MXRA5: variants seen among roughly 807,000 people sequenced by gnomAD.
MXRA5 encodes matrix-remodeling-associated protein 5.
A neutral mutation model predicts 112.5 loss-of-function variants in MXRA5; 41 were observed. The observed-to-expected ratio is 0.36, with a 90% confidence interval of 0.28 to 0.47. MXRA5 has a LOEUF of 0.47. MXRA5 is among the 20% of genes least tolerant of loss of function. The pLI, the probability that MXRA5 is intolerant of heterozygous loss-of-function variation, is 0.99. For missense variants in MXRA5, 2,150 were observed against 2,251.0 expected, an observed-to-expected ratio of 0.96 and a Z score of 0.91; for synonymous variants, 862 against 900.8, an observed-to-expected ratio of 0.96 and a Z score of 0.77.
In MXRA5 at chrX:3,324,415, G is replaced by A; in HGVS notation, c.1270C>T (p.Gln424Ter). 1 of 1,211,491 alleles carries A rather than the reference G, an allele frequency of 8.3e-7. No homozygotes were observed. The highest frequency in any genetic ancestry group is 2.2e-5 in the Admixed American group (1 of 45,959). ...EALYYTGVRA[Q>*]ILAEPEWVMQ... ...ACCCATTCTGGTTCTGCAAGAATCTGGGCTCTCACACCTGTGTAGTAAAGA... is the reference window on the plus strand; with the variant it reads ...ACCCATTCTGGTTCTGCAAGAATCTAGGCTCTCACACCTGTGTAGTAAAGA... Residue 424 changes from glutamine to a stop codon, truncating the protein, a stop_gained, in exon 5 of 7, where the codon CAG (glutamine) becomes TAG (stop). Coordinates refer to ENST00000217939, the MANE Select transcript of MXRA5 (RefSeq NM_015419.4). LOFTEE classifies it high-confidence loss of function.
intron 6 of MXRA5, among the ~76,000 whole-genome samples, chrX:3,314,280 A>C (rs941168): frequency 0.44 from 48,640 of 111,008 alleles, 8,035 homozygotes; most frequent in Non-Finnish European, 0.52. Context: ...GGGCTAGAAG[A>C]TTCTCTGTGA....
intron 4 of MXRA5, among the ~76,000 whole-genome samples, chrX:3,329,300 G>GGAAC (rs1921594351): frequency 1.1e-5 from 1 of 94,793 alleles, no homozygotes; most frequent in African/African-American, 3.9e-5. Flanking sequence ...GAAAAAAGAA[G>GGAAC]GAAGGAAGGA....
At chrX:3,311,877 A>T (rs1440255116) in intron 6 of MXRA5, among the ~76,000 whole-genome samples, 2 of 112,398 alleles carry the variant, frequency 1.8e-5, no homozygotes, top group Non-Finnish European at 3.8e-5. Flanking sequence ...AATGTAGTCA[A>T]AGACGTCAAT....
chrX:3,344,399 C>A (rs1922059702), intron 1 of MXRA5, among the ~76,000 whole-genome samples: 1 of 111,660 alleles, frequency 9.0e-6, no homozygotes, highest in African/African-American at 3.3e-5. Context: ...GAAGGATATT[C>A]ATCCTGTTAT....
In MXRA5 at chrX:3,345,700, G is replaced by A; in HGVS notation, c.-29+815C>T. ...GTCTGCGAACCCCGCCGGGAAGCAG[G>A]GGTGGGGGCGTGAGGCCGTCTGCTT... On this transcript the variant is annotated intron_variant, in intron 1 of 6. Coordinates refer to ENST00000217939, the MANE Select transcript of MXRA5 (RefSeq NM_015419.4). Among the ~76,000 whole-genome samples the A allele has an allele frequency of 2.7e-5, 3 of 113,196 alleles. No homozygotes were observed. In the South Asian group the frequency reaches 1.1e-3, roughly 41 times the overall value.
chrX:3,328,915 G>A (rs1921576603), intron 4 of MXRA5, among the ~76,000 whole-genome samples: 1 of 98,220 alleles, frequency 1.0e-5, no homozygotes, highest in African/African-American at 3.8e-5. Context: ...AAGGGAGGGA[G>A]GGAAGGAAGG....
intron 6 of MXRA5, 82 bp downstream of exon 6, chrX:3,317,021 G>T: frequency 2.1e-6 from 2 of 974,204 alleles, no homozygotes; most frequent in Non-Finnish European, 2.7e-6. Flanking sequence ...CAACGTGTGT[G>T]CATATTCATC....
chrX:3,335,229 C>G (rs1179350641), intron 2 of MXRA5, among the ~76,000 whole-genome samples: 1 of 111,145 alleles, frequency 9.0e-6, no homozygotes, highest in African/African-American at 3.3e-5. Context: ...TAGAGTCTCC[C>G]TCTGTCGCCC....
chrX:3,316,976 A>G (rs950187117), intron 6 of MXRA5, 127 bp downstream of exon 6: 87 of 801,836 alleles, frequency 1.1e-4, no homozygotes, highest in Non-Finnish European at 1.4e-4. Context: ...GTGCCCTGCT[A>G]ATTAATTTCA....
intron 2 of MXRA5, among the ~76,000 whole-genome samples, chrX:3,339,559 C>A (rs1921867643): frequency 9.0e-6 from 1 of 111,454 alleles, no homozygotes; most frequent in Non-Finnish European, 1.9e-5. Context: ...AGCCACCGTG[C>A]CCGGACCCCC....
At chrX:3,338,299 G>A (rs937776396) in intron 2 of MXRA5, among the ~76,000 whole-genome samples, 1 of 111,185 alleles carries the variant, frequency 9.0e-6, no homozygotes, top group Non-Finnish European at 1.9e-5. Flanking sequence ...GTTTTCCAGG[G>A]GCAAACTCAT....
At chrX:3,346,038 A>G (rs1289576058) in intron 1 of MXRA5, among the ~76,000 whole-genome samples, 2 of 111,776 alleles carry the variant, frequency 1.8e-5, no homozygotes, top group Non-Finnish European at 3.8e-5. Flanking sequence ...GGGGGAAGAG[A>G]GGAGGGAGAG....
Position 3,346,600 on chromosome X carries a change from G to A in MXRA5, c.-114C>T. ...GCGCGCGAGTCACGGCCGGGAGTTT[G>A]CCGGGGCCATGCCCTTCCCGGGGCC... is the stretch of plus-strand genomic sequence containing the variant. On this transcript the variant is annotated 5_prime_UTR_variant, in exon 1 of 7. Coordinates refer to ENST00000217939, the MANE Select transcript of MXRA5 (RefSeq NM_015419.4). 4.0e-6 allele frequency: 3 copies of A among 748,206 alleles called. No individual in the cohort carries two copies. Among genetic ancestry groups the A allele is most frequent in the Non-Finnish European group, 4.7e-6 (3 of 633,362 alleles). The allele number at this position is 748,206 out of a possible 1,213,427, so 61.7% of individuals were successfully genotyped here. A position where few individuals can be genotyped will look rare whatever the true frequency, so the allele number is the denominator to read the frequency against.
At chrX:3,327,003 C>A (rs1339515949) in intron 4 of MXRA5, among the ~76,000 whole-genome samples, 1 of 111,188 alleles carries the variant, frequency 9.0e-6, no homozygotes, top group Non-Finnish European at 1.9e-5. Flanking sequence ...TATATTCTCT[C>A]CCTGACCTAA....
At chrX:3,335,476 C>T (rs1228311602) in intron 2 of MXRA5, among the ~76,000 whole-genome samples, 4 of 112,635 alleles carry the variant, frequency 3.6e-5, no homozygotes, top group Non-Finnish European at 5.6e-5. Flanking sequence ...GGATTACGGG[C>T]GTGAGTCACT....
Position 3,309,983 on chromosome X carries a change from G to A in MXRA5, c.8220C>T (p.Thr2740=), listed in dbSNP as rs377706499. 1.7e-6 allele frequency: 2 copies of A among 1,209,059 alleles called. No homozygotes were observed. Among genetic ancestry groups the A allele is most frequent in the Non-Finnish European group, 2.2e-6 (2 of 894,911 alleles). The change falls in exon 7 of 7, where the codon ACC becomes ACT. Residue 2740 remains threonine (T), a synonymous_variant. Coordinates refer to ENST00000217939, the MANE Select transcript of MXRA5 (RefSeq NM_015419.4). ...TCCCGGGCCGGGTGTAGATGACCGG[G>A]GTGGGCTCGCTGGTGATCCGGGGAG... is the stretch of plus-strand genomic sequence containing the variant. The part of the protein sequence containing the change: ...AYPPRITSEP[T]PVIYTRPGNT...
intron 2 of MXRA5, among the ~76,000 whole-genome samples, chrX:3,337,187 C>T (rs138505822): frequency 8.9e-6 from 1 of 111,906 alleles, no homozygotes; most frequent in Admixed American, 9.5e-5. Flanking sequence ...ATGGCCTCAT[C>T]ATTTTAGAAG....
chrX:3,324,384 T>G lies in MXRA5; in HGVS notation c.1301A>C (p.Gln434Pro), dbSNP rs766534972. The change falls in exon 5 of 7, where the codon CAG becomes CCG. Residue 434 changes from glutamine (Q) to proline (P), a missense_variant. Coordinates refer to ENST00000217939, the MANE Select transcript of MXRA5 (RefSeq NM_015419.4). ...QILAEPEWVM[Q>P]PSIDIQLNRR... ...GTTCAGCTGGATATCTATGGATGGC[T>G]GCATGACCCATTCTGGTTCTGCAAG... The G allele has an allele frequency of 8.3e-7, 1 of 1,211,748 alleles. No individual in the cohort carries two copies. Among genetic ancestry groups the G allele is most frequent in the Non-Finnish European group, 1.1e-6 (1 of 895,556 alleles).
chrX:3,326,549 A>G (rs1391102620), intron 4 of MXRA5, among the ~76,000 whole-genome samples: 3 of 107,073 alleles, frequency 2.8e-5, no homozygotes, highest in Non-Finnish European at 5.7e-5. Flanking sequence ...TATAATGTAT[A>G]TATAATCAAT....
Sources: allele counts gnomAD v4.1 joint callset (sites outside exome capture counted in the v4.1 genomes callset), GRCh38; gene constraint gnomAD v4.1.1; transcripts MANE v1.5; gene names NCBI Gene and HGNC (gene_info 2026-07-23, HGNC 2026-07-21).